NPFFR2: variants seen among roughly 807,000 people sequenced by gnomAD.
The protein encoded by NPFFR2 is neuropeptide FF receptor 2.
In NPFFR2, 15 loss-of-function variants were observed where a neutral mutation model predicts 13.1. That is an observed-to-expected ratio of 1.15 (90% confidence interval 0.77 to 1.76). NPFFR2 has a LOEUF of 1.76. NPFFR2 is among the 40% of genes most tolerant of loss of function. NPFFR2 has a pLI of 0.00. For synonymous variants in NPFFR2, 190 were observed against 175.7 expected (o/e 1.08, Z -0.65); for missense variants, 572 against 503.5 (o/e 1.14, Z -1.30).
rs528947248 is a variant in NPFFR2 at position 72,050,546 on chromosome 4, C to T, written c.-8+18346C>T. Among the ~76,000 whole-genome samples, 135 of 152,072 alleles carry T rather than the reference C, an allele frequency of 8.9e-4. 1 individual carries two copies. The highest frequency in any genetic ancestry group is 1.7e-3 in the Non-Finnish European group (118 of 67,950). Reference sequence around the variant, plus strand: ...AAATTCCAACCCGACTCTATTATAACATGACATGGCAAATAGCAGGCCCTG... The same window carrying T: ...AAATTCCAACCCGACTCTATTATAATATGACATGGCAAATAGCAGGCCCTG... On this transcript the variant is annotated intron_variant, in intron 1 of 3. Coordinates refer to ENST00000308744, the MANE Select transcript of NPFFR2 (RefSeq NM_004885.3).
chr4:72,082,168 T>A (rs572275407), intron 1 of NPFFR2, among the ~76,000 whole-genome samples: 1 of 152,226 alleles, frequency 6.6e-6, no homozygotes, highest in Non-Finnish European at 1.5e-5. Flanking sequence ...CATCACAACT[T>A]CAAAAAGGAT....
chr4:72,099,655 A>G (rs1721180214), intron 1 of NPFFR2, among the ~76,000 whole-genome samples: 1 of 152,174 alleles, frequency 6.6e-6, no homozygotes, highest in South Asian at 2.1e-4. Context: ...GCACCAAGCC[A>G]TGAAGAATCC....
chr4:72,032,176 C>T lies in NPFFR2; in HGVS notation c.-32C>T. On this transcript the variant is annotated 5_prime_UTR_variant, in exon 1 of 4. Transcript: ENST00000308744. ...CGGGCTTGGTGGATTCTGGTTCCTG[C>T]CGCCGACAGGGCTCGCCGGGAGAGG... The T allele has an allele frequency of 1.2e-6, 2 of 1,611,322 alleles. No homozygotes were observed. Among genetic ancestry groups the T allele is most frequent in the Non-Finnish European group, 1.7e-6 (2 of 1,178,256 alleles).
At chr4:72,142,111 G>T (rs908612899) in intron 3 of NPFFR2, among the ~76,000 whole-genome samples, 13 of 151,908 alleles carry the variant, frequency 8.6e-5, no homozygotes, top group Non-Finnish European at 4.4e-5. Context: ...CCATTTACTT[G>T]GTAGATCTTC....
rs139769846 is a variant in NPFFR2 at position 72,100,064 on chromosome 4, A to G, written c.-7-28521A>G. On this transcript the variant is annotated intron_variant, in intron 1 of 3. Transcript: ENST00000308744. ...TATAAAAATTCTGACTTCTAACTTA[A>G]TATGTGGTTATTATGCTGCTACTCA... is the stretch of plus-strand genomic sequence containing the variant. Among the ~76,000 whole-genome samples, 156 of 152,298 alleles carry G rather than the reference A, an allele frequency of 1.0e-3. 2 individuals carry two copies. The South Asian group carries it at 0.011, about 11-fold the overall frequency.
chr4:72,067,262 T>G (rs987984961), intron 1 of NPFFR2, among the ~76,000 whole-genome samples: 1 of 152,134 alleles, frequency 6.6e-6, no homozygotes, highest in African/African-American at 2.4e-5. Context: ...ACCGCTGAAG[T>G]GGCCAGTGAG....
At chr4:72,089,699 C>T (rs1720863998) in intron 1 of NPFFR2, among the ~76,000 whole-genome samples, 1 of 151,858 alleles carries the variant, frequency 6.6e-6, no homozygotes, top group Non-Finnish European at 1.5e-5. Context: ...GTTTGAGTTC[C>T]TTGTAGATTC....
intron 1 of NPFFR2, among the ~76,000 whole-genome samples, chr4:72,037,738 A>G (rs1719080779): frequency 6.6e-6 from 1 of 152,212 alleles, no homozygotes; most frequent in South Asian, 2.1e-4. Flanking sequence ...AAGGCTTCAA[A>G]GCCTTTGGCT....
In NPFFR2 at chr4:72,128,891, T is replaced by C. The variant is rs764581122; in HGVS notation, c.300T>C (p.Pro100=). ...SDLLVGIFCM[P]ITLLDNIIAG... ...TACTAGTTGGCATATTCTGCATGCC[T>C]ATAACACTGCTGGACAATATTATAG... is the stretch of plus-strand genomic sequence containing the variant. Residue 100 remains proline (P), a synonymous_variant, in exon 2 of 4, where the codon CCT becomes CCC. Transcript: ENST00000308744. The C allele has an allele frequency of 6.2e-7, 1 of 1,612,654 alleles. No individual in the cohort carries two copies.
intron 1 of NPFFR2, among the ~76,000 whole-genome samples, chr4:72,123,430 C>T (rs922540803): frequency 6.6e-6 from 1 of 152,174 alleles, no homozygotes; most frequent in Non-Finnish European, 1.5e-5. Flanking sequence ...CCAGCATCAT[C>T]AGGATACCAA....
intron 1 of NPFFR2, among the ~76,000 whole-genome samples, chr4:72,094,541 G>T (rs1318505522): frequency 6.6e-6 from 1 of 152,126 alleles, no homozygotes. Context: ...GGGGATGAGG[G>T]TGTGGTTCCC....
Position 72,138,140 on chromosome 4 carries a change from G to A in NPFFR2, c.428+1G>A. On this transcript the variant is annotated splice_donor_variant, in intron 3 of 3. Coordinates refer to ENST00000308744, the MANE Select transcript of NPFFR2 (RefSeq NM_004885.3). LOFTEE classifies it high-confidence loss of function. ...CGTTAGTTGCAATTGCTGTAGATAG[G>A]TAAGTCTGCACCAAACTCTGAATCC... 1 of 1,608,846 alleles carries A rather than the reference G, an allele frequency of 6.2e-7. No individual in the cohort carries two copies. Among genetic ancestry groups the A allele is most frequent in the Non-Finnish European group, 8.5e-7 (1 of 1,175,512 alleles).
intron 1 of NPFFR2, among the ~76,000 whole-genome samples, chr4:72,075,957 T>TCACA: frequency 9.6e-6 from 1 of 104,462 alleles, no homozygotes; most frequent in African/African-American, 3.7e-5. Context: ...TCTCTCTCTG[T>TCACA]CACACACACA....
At chr4:72,066,182 G>A (rs1720063548) in intron 1 of NPFFR2, among the ~76,000 whole-genome samples, 1 of 152,116 alleles carries the variant, frequency 6.6e-6, no homozygotes, top group South Asian at 2.1e-4. Flanking sequence ...CTCTGGAGAG[G>A]AGGAGTGCTG....
chr4:72,137,707 T>G (rs1722460176), intron 2 of NPFFR2, among the ~76,000 whole-genome samples: 1 of 152,198 alleles, frequency 6.6e-6, no homozygotes, highest in South Asian at 2.1e-4. Flanking sequence ...TGGCAAAGTA[T>G]GTAATATTTG....
chr4:72,036,492 G>C (rs915765174), intron 1 of NPFFR2, among the ~76,000 whole-genome samples: 1 of 139,104 alleles, frequency 7.2e-6, no homozygotes, highest in Non-Finnish European at 1.5e-5. Flanking sequence ...AGTTGGGTTC[G>C]GGTGGTGTGT....
intron 1 of NPFFR2, among the ~76,000 whole-genome samples, chr4:72,051,079 G>A (rs1454841230): frequency 6.6e-6 from 1 of 151,938 alleles, no homozygotes; most frequent in Non-Finnish European, 1.5e-5. Context: ...ACATACGTGT[G>A]CATATGTCTT....
intron 1 of NPFFR2, among the ~76,000 whole-genome samples, chr4:72,047,757 A>G (rs1048163449): frequency 6.6e-6 from 1 of 152,208 alleles, no homozygotes; most frequent in Admixed American, 6.5e-5. Context: ...GTATATGTTA[A>G]TAATAGTTGG....
chr4:72,134,157 C>T (rs1722337721), intron 2 of NPFFR2, among the ~76,000 whole-genome samples: 1 of 151,842 alleles, frequency 6.6e-6, no homozygotes, highest in African/African-American at 2.4e-5. Context: ...TCCAGCCACT[C>T]AGGAAGCTGA....
Sources: allele counts gnomAD v4.1 joint callset (sites outside exome capture counted in the v4.1 genomes callset), GRCh38; gene constraint gnomAD v4.1.1; transcripts MANE v1.5; gene names NCBI Gene and HGNC (gene_info 2026-07-23, HGNC 2026-07-21).